TBX5: variants seen among roughly 807,000 people sequenced by gnomAD.
TBX5 encodes the protein T-box transcription factor 5, also known as T-box transcription factor TBX5.
Under a neutral mutation model 51.1 loss-of-function variants are expected in TBX5, and 8 were observed. The ratio of observed to expected loss-of-function variants is 0.16; its 90% CI spans 0.09 to 0.28. The LOEUF is 0.28. Ranked by LOEUF, TBX5 falls within the 10% of genes least tolerant of loss-of-function variation. The pLI, the probability that TBX5 is intolerant of heterozygous loss-of-function variation, is 1.00. For synonymous variants in TBX5, 302 were observed against 266.4 expected (o/e 1.13, Z -1.30); for missense variants, 589 against 671.7 (o/e 0.88, Z 1.36).
upstream of TBX5, chr12:114,407,724 C>A: frequency 1.0e-6 from 1 of 974,626 alleles, no homozygotes; most frequent in Non-Finnish European, 1.2e-6. Context: ...AGAGAAGATT[C>A]AGCAAGACTA....
upstream of TBX5, among the ~76,000 whole-genome samples, chr12:114,406,350 T>C (rs1872222495): frequency 6.6e-6 from 1 of 151,982 alleles, no homozygotes; most frequent in African/African-American, 2.4e-5. Flanking sequence ...TCTGCTTCTC[T>C]GAGCAAGCGG....
intron 6 of TBX5, among the ~76,000 whole-genome samples, chr12:114,390,407 C>T (rs1019914806): frequency 6.6e-6 from 1 of 152,224 alleles, no homozygotes; most frequent in Non-Finnish European, 1.5e-5. Context: ...CAAATGTACT[C>T]CCTTCAAAAT....
chr12:114,369,393 T>C (rs1869729778), intron 7 of TBX5, among the ~76,000 whole-genome samples: 1 of 152,194 alleles, frequency 6.6e-6, no homozygotes, highest in African/African-American at 2.4e-5. Context: ...ACAGCTTGTT[T>C]CCCTCTAAAG....
At chr12:114,385,746 T>C (rs1870779226) in intron 6 of TBX5, among the ~76,000 whole-genome samples, 179 bp from the exon 7 acceptor site, 3 of 152,038 alleles carry the variant, frequency 2.0e-5, no homozygotes, top group South Asian at 4.1e-4. Context: ...CTTTGAAAAA[T>C]GTCCTCCATT....
At chr12:114,370,492 GA>G (rs1253313201) in intron 7 of TBX5, among the ~76,000 whole-genome samples, 3 of 152,108 alleles carry the variant, frequency 2.0e-5, no homozygotes, top group African/African-American at 4.8e-5. Flanking sequence ...CACACACACA[GA>G]AATGTATTTT....
Position 114,355,638 on chromosome 12 carries a change from G to C in TBX5, c.1451C>G (p.Pro484Arg). The C allele has an allele frequency of 6.2e-7, 1 of 1,614,192 alleles. No individual in the cohort carries two copies. Among genetic ancestry groups the C allele is most frequent in the African/African-American group, 1.3e-5 (1 of 75,062 alleles). ...TGLQSPGTLQ[P>R]PEFLYSHGVP... ...GCCATGAGAGTAGAGGAACTCAGGG[G>C]GCTGAAGGGTGCCAGGGGACTGCAG... Residue 484 changes from proline (P) to arginine (R), a missense_variant, in exon 9 of 9, where the codon CCC becomes CGC. By Grantham distance (103) the Pro-to-Arg change is moderately radical. This residue lies in a region of TBX5 where 348 missense variants were observed against 360.4 expected (regional missense o/e 0.97). Transcript: ENST00000405440.
At chr12:114,367,762 A>G (rs1244310213) in intron 7 of TBX5, among the ~76,000 whole-genome samples, 2 of 152,216 alleles carry the variant, frequency 1.3e-5, no homozygotes, top group Admixed American at 6.5e-5. Context: ...TCCCATATCC[A>G]GCATTTAGGA....
intron 7 of TBX5, among the ~76,000 whole-genome samples, chr12:114,377,627 G>T (rs925419269): frequency 6.7e-6 from 1 of 149,134 alleles, no homozygotes; most frequent in Admixed American, 6.7e-5. Flanking sequence ...CGTTGCTCTG[G>T]CTGGTCTCAA....
At chr12:114,377,735 C>A (rs187578042) in intron 7 of TBX5, among the ~76,000 whole-genome samples, 2 of 151,864 alleles carry the variant, frequency 1.3e-5, no homozygotes. Context: ...TTTCTCTATT[C>A]ATATATTGTG....
chr12:114,385,637 G>T, intron 6 of TBX5, 70 bp from the exon 7 acceptor site: 1 of 1,282,080 alleles, frequency 7.8e-7, no homozygotes, highest in Non-Finnish European at 1.1e-6. Context: ...CAGGACATGA[G>T]CTAATAATAA....
intron 6 of TBX5, among the ~76,000 whole-genome samples, chr12:114,393,870 C>T (rs1467937843): frequency 1.3e-5 from 2 of 152,190 alleles, no homozygotes; most frequent in African/African-American, 2.4e-5. Context: ...GCTGGTGGTG[C>T]AGGTTGCTCT....
intron 1 of TBX5, among the ~76,000 whole-genome samples, chr12:114,404,681 C>G (rs1872082035): frequency 6.6e-6 from 1 of 152,044 alleles, no homozygotes; most frequent in Non-Finnish European, 1.5e-5. Context: ...ACCGTGCAGC[C>G]GTTCCGAGGA....
intron 1 of TBX5, among the ~76,000 whole-genome samples, 163 bp downstream of exon 1, chr12:114,405,465 C>T (rs892141678): frequency 6.6e-6 from 1 of 152,194 alleles, no homozygotes; most frequent in African/African-American, 2.4e-5. Flanking sequence ...GCGGCGGCCT[C>T]CCAGACTCCA....
At chr12:114,398,044 C>T (rs981232781) in intron 5 of TBX5, among the ~76,000 whole-genome samples, 2 of 152,334 alleles carry the variant, frequency 1.3e-5, no homozygotes, top group Non-Finnish European at 2.9e-5. Context: ...AAACACAGCC[C>T]TCCACTCCTA....
intron 7 of TBX5, among the ~76,000 whole-genome samples, chr12:114,383,206 A>G (rs886742545): frequency 2.6e-5 from 4 of 152,132 alleles, no homozygotes; most frequent in African/African-American, 9.7e-5. Flanking sequence ...TGGGGGAGAC[A>G]TGGGCTGACC....
At position 114,393,828 on chromosome 12, in the gene TBX5, C is replaced by T. The variant is rs541364595; in HGVS notation, c.663+913G>A. ...AGCTGTGGTTCTGCAGGCTCTTTGTCTAAGTCCAGCTTGGGAGTGTTATCC... is the reference window on the plus strand; with the variant it reads ...AGCTGTGGTTCTGCAGGCTCTTTGTTTAAGTCCAGCTTGGGAGTGTTATCC... On this transcript the variant is annotated intron_variant, in intron 6 of 8. Transcript: ENST00000405440. Among the ~76,000 whole-genome samples the T allele has an allele frequency of 4.6e-5, 7 of 152,290 alleles. No homozygotes were observed. The South Asian group carries it at 1.5e-3, about 32-fold the overall frequency.
intron 7 of TBX5, 25 bp downstream of exon 7, chr12:114,385,451 A>C: frequency 6.2e-7 from 1 of 1,609,042 alleles, no homozygotes; most frequent in Non-Finnish European, 8.5e-7. Flanking sequence ...TGGGGAGGAG[A>C]AAGTTGAGGA....
At chr12:114,405,018 A>G (rs1014624090) in intron 1 of TBX5, among the ~76,000 whole-genome samples, 1 of 152,156 alleles carries the variant, frequency 6.6e-6, no homozygotes. Context: ...ATCTCCTTCC[A>G]ATCTCTTCTA....
upstream of TBX5, among the ~76,000 whole-genome samples, chr12:114,406,417 A>G (rs1274775757): frequency 6.6e-6 from 1 of 152,112 alleles, no homozygotes; most frequent in Admixed American, 6.5e-5. Flanking sequence ...CTAATCGGGA[A>G]GTAATCTCAG....
Sources: allele counts gnomAD v4.1 joint callset (sites outside exome capture counted in the v4.1 genomes callset), GRCh38; gene constraint gnomAD v4.1.1; regional missense constraint gnomAD v4.1.1; transcripts MANE v1.5; gene names NCBI Gene and HGNC (gene_info 2026-07-23, HGNC 2026-07-21).